Variants in DAGLA observed in about 807,000 individuals in gnomAD.
DAGLA encodes diacylglycerol lipase-alpha.
In DAGLA, 22 loss-of-function variants were observed where a neutral mutation model predicts 102.6. The ratio of observed to expected loss-of-function variants is 0.21; its 90% confidence interval spans 0.15 to 0.31. The LOEUF (loss-of-function observed/expected upper bound fraction) is 0.31, where lower values mean the gene tolerates loss of function less well. Ranked by LOEUF, DAGLA falls within the 10% of genes least tolerant of loss-of-function variation. The probability of loss-of-function intolerance (pLI) is 1.00; values close to 1 mark genes in which losing one functional copy is unlikely to be tolerated. For missense variants in DAGLA, 927 were observed against 1,446.6 expected (o/e 0.64, Z 5.83); for synonymous variants, 578 against 628.9 (o/e 0.92, Z 1.21).
At chr11:61,739,345 C>A in intron 16 of DAGLA, 120 bp from the exon 17 acceptor site, 1 of 1,010,102 alleles carries the variant, frequency 9.9e-7, no homozygotes, top group Non-Finnish European at 1.5e-6. Flanking sequence ...TCCCCTGCCC[C>A]TTTGCCATCT....
chr11:61,702,250 T>G (rs2065115126), intron 1 of DAGLA, among the ~76,000 whole-genome samples: 1 of 152,166 alleles, frequency 6.6e-6, no homozygotes, highest in South Asian at 2.1e-4. Flanking sequence ...TTAACTCTGA[T>G]AATTACAAGC....
At chr11:61,722,105 A>C (rs1265120604) in intron 3 of DAGLA, among the ~76,000 whole-genome samples, 1 of 152,216 alleles carries the variant, frequency 6.6e-6, no homozygotes, top group Non-Finnish European at 1.5e-5. Flanking sequence ...CAGGTTCCAG[A>C]GGCCTCTTGC....
intron 1 of DAGLA, among the ~76,000 whole-genome samples, chr11:61,705,163 C>T (rs555817325): frequency 6.6e-6 from 1 of 152,362 alleles, no homozygotes; most frequent in African/African-American, 2.4e-5. Flanking sequence ...CTCTGGGATC[C>T]AGTGCCCCCT....
chr11:61,742,338 G>A (rs2065487890), intron 19 of DAGLA, among the ~76,000 whole-genome samples: 1 of 152,168 alleles, frequency 6.6e-6, no homozygotes, highest in Non-Finnish European at 1.5e-5. Context: ...GGATTGTCCT[G>A]CCTTTCTAGG....
chr11:61,743,823 C>T lies in DAGLA; in HGVS notation c.2463C>T (p.Phe821=). ...AVLERDEGHL[F]YIDPAIPEEN... ...TGGAGCGTGATGAAGGCCACCTCTTCTACATTGACCCTGCCATCCCCGAGG... is the reference window on the plus strand; with the variant it reads ...TGGAGCGTGATGAAGGCCACCTCTTTTACATTGACCCTGCCATCCCCGAGG... Residue 821 remains phenylalanine, a synonymous_variant, in exon 20 of 20, where the codon TTC becomes TTT. Transcript: ENST00000257215. 1 of 1,612,576 alleles carries T rather than the reference C, an allele frequency of 6.2e-7. No individual in the cohort carries two copies. Among genetic ancestry groups the T allele is most frequent in the Non-Finnish European group, 8.5e-7 (1 of 1,179,942 alleles).
intron 1 of DAGLA, among the ~76,000 whole-genome samples, chr11:61,693,932 A>T (rs2065044342): frequency 6.6e-6 from 1 of 152,214 alleles, no homozygotes; most frequent in Non-Finnish European, 1.5e-5. Flanking sequence ...TGGGGAGGGG[A>T]CAGCTGAGAG....
At chr11:61,741,022 T>C in intron 18 of DAGLA, 140 bp from the exon 19 acceptor site, 2 of 774,736 alleles carry the variant, frequency 2.6e-6, no homozygotes, top group Non-Finnish European at 4.0e-6. Context: ...AGTGGTGACC[T>C]CAGGAGGAGG....
At chr11:61,741,719 A>G (rs970883957) in intron 19 of DAGLA, among the ~76,000 whole-genome samples, 1 of 148,424 alleles carries the variant, frequency 6.7e-6, no homozygotes, top group African/African-American at 2.5e-5. Flanking sequence ...TCAAGCGATT[A>G]TCCTGCCTCA....
intron 1 of DAGLA, among the ~76,000 whole-genome samples, chr11:61,693,201 G>A (rs140007352): frequency 0.019 from 2,904 of 151,938 alleles, 44 homozygotes; most frequent in Non-Finnish European, 0.029. Flanking sequence ...TCACCATGTT[G>A]GCCAGGCTGG....
intron 7 of DAGLA, 70 bp downstream of exon 7, chr11:61,728,357 G>A: frequency 6.3e-7 from 1 of 1,575,610 alleles, no homozygotes; most frequent in Non-Finnish European, 8.6e-7. Flanking sequence ...CTTCCCTGTG[G>A]CCCCTGCAGC....
intron 8 of DAGLA, among the ~76,000 whole-genome samples, chr11:61,729,413 A>G (rs1366391053): frequency 6.6e-6 from 1 of 152,166 alleles, no homozygotes; most frequent in Non-Finnish European, 1.5e-5. Context: ...TCCAGTGTGT[A>G]ATAGGGAAAG....
chr11:61,734,875 G>A lies in DAGLA; in HGVS notation c.1001G>A (p.Arg334Gln), dbSNP rs148708944. The A allele has an allele frequency of 1.4e-5, 22 of 1,613,760 alleles. No individual in the cohort carries two copies. The highest frequency in any genetic ancestry group is 5.0e-5 in the Admixed American group (3 of 59,998). ...TGTTGCCTGTGTCCTGCGAGGCCGCGGTTCGCCCCTGGAGTCACCATCGAG... is the reference window on the plus strand; with the variant it reads ...TGTTGCCTGTGTCCTGCGAGGCCGCAGTTCGCCCCTGGAGTCACCATCGAG... ...CSCCLCPARP[R>Q]FAPGVTIEED... Residue 334 changes from arginine (R) to glutamine (Q), a missense_variant, in exon 10 of 20, where the codon CGG (arginine) becomes CAG (glutamine). Arg to Gln is a conservative substitution (Grantham distance 43). Transcript: ENST00000257215. This position sits in a 1 kb window ranked among gnomAD's most constrained non-coding sequence, Gnocchi z 4.2.
rs201521657 is a variant in DAGLA at position 61,743,570 on chromosome 11, C to T, written c.2210C>T (p.Ser737Leu). Residue 737 changes from serine to leucine, a missense_variant, in exon 20 of 20, where the codon TCG becomes TTG. This residue lies in a region of DAGLA where 434 missense variants were observed against 503.3 expected (regional missense o/e 0.86). Transcript: ENST00000257215. The part of the protein sequence containing the change: ...SQSEMSLEGF[S>L]EGRLLSPVVA... ...TCTGAGATGAGCCTGGAGGGCTTCT[C>T]GGAGGGGCGGCTGCTGTCGCCAGTG... The T allele has an allele frequency of 3.0e-5, 47 of 1,548,970 alleles. No individual in the cohort carries two copies. Among genetic ancestry groups the T allele is most frequent in the East Asian group, 2.3e-4 (10 of 44,440 alleles).
chr11:61,713,514 T>C (rs1162995440), intron 1 of DAGLA, among the ~76,000 whole-genome samples: 2 of 152,204 alleles, frequency 1.3e-5, no homozygotes, highest in Non-Finnish European at 2.9e-5. Flanking sequence ...ATTCTGTCCC[T>C]GTCACTACCC....
At chr11:61,696,442 TGGGGCC>T (rs2065066564) in intron 1 of DAGLA, among the ~76,000 whole-genome samples, 1 of 152,102 alleles carries the variant, frequency 6.6e-6, no homozygotes. Context: ...GGAGGAGCAG[TGGGGCC>T]GGGGCGCTCC....
intron 1 of DAGLA, 64 bp from the exon 2 acceptor site, chr11:61,720,048 A>T: frequency 8.8e-7 from 1 of 1,136,224 alleles, no homozygotes; most frequent in Non-Finnish European, 1.3e-6. Context: ...TGGCCCAAGG[A>T]ATGCAGTGGC....
At chr11:61,732,887 A>G (rs1004297381) in intron 9 of DAGLA, among the ~76,000 whole-genome samples, 1 of 152,124 alleles carries the variant, frequency 6.6e-6, no homozygotes, top group Non-Finnish European at 1.5e-5. Flanking sequence ...TGCAGAGCAC[A>G]GCGAGCCAGG....
In DAGLA at chr11:61,734,925, G is replaced by A. The variant is rs2065410808; in HGVS notation, c.1051G>A (p.Ala351Thr). ...IEEDNCCGCN[A>T]IAIRRHFLDE... Reference sequence around the variant, plus strand: ...GGAAGACAACTGCTGTGGCTGTAATGCCATTGCCATCCGGCGCCACTTCCT... The same window carrying A: ...GGAAGACAACTGCTGTGGCTGTAATACCATTGCCATCCGGCGCCACTTCCT... The change falls in exon 10 of 20, where the codon GCC becomes ACC. Residue 351 changes from alanine to threonine, a missense_variant. By Grantham distance (58) the Ala-to-Thr change is moderately conservative. This residue lies in a region of DAGLA where 218 missense variants were observed against 459.6 expected (regional missense o/e 0.47). Transcript: ENST00000257215. This position sits in a 1 kb window ranked among gnomAD's most constrained non-coding sequence, Gnocchi z 4.2. 1.2e-6 allele frequency: 2 copies of A among 1,613,988 alleles called. No individual in the cohort carries two copies.
chr11:61,737,618 G>A, intron 14 of DAGLA, 69 bp from the exon 15 acceptor site: 1 of 1,438,446 alleles, frequency 7.0e-7, no homozygotes, highest in Non-Finnish European at 9.8e-7. Flanking sequence ...TTGTGGCTGG[G>A]CCCCCCGATT....
Sources: allele counts gnomAD v4.1 joint callset (sites outside exome capture counted in the v4.1 genomes callset), GRCh38; gene constraint gnomAD v4.1.1; regional missense constraint gnomAD v4.1.1; non-coding constraint Gnocchi (gnomAD v3.1); transcripts MANE v1.5; gene names NCBI Gene and HGNC (gene_info 2026-07-23, HGNC 2026-07-21).